The following KCNH1 variants were observed in gnomAD, a reference collection of about 807,000 sequenced individuals.
KCNH1 encodes voltage-gated delayed rectifier potassium channel KCNH1.
Under a neutral mutation model 69.2 loss-of-function variants are expected in KCNH1, and 27 were observed. That is an observed-to-expected ratio of 0.39 (90% confidence interval 0.29 to 0.54). The LOEUF (loss-of-function observed/expected upper bound fraction) is 0.54. Ranked by LOEUF, KCNH1 falls within the 20% of genes least tolerant of loss-of-function variation. The pLI, the probability that KCNH1 is intolerant of heterozygous loss-of-function variation, is 0.68. For synonymous variants in KCNH1, 456 were observed against 487.7 expected, an observed-to-expected ratio of 0.93 and a Z score of 0.86; for missense variants, 798 against 1,261.6, an observed-to-expected ratio of 0.63 and a Z score of 5.57.
In KCNH1 at chr1:210,965,659, G is replaced by A. The variant is rs147704892; in HGVS notation, c.1033-45590C>T. Among the ~76,000 whole-genome samples the A allele has an allele frequency of 9.9e-3, 1,514 of 152,172 alleles. 47 individuals carry two copies. The highest frequency in any genetic ancestry group is 0.055 in the East Asian group (285 of 5,170). Reference sequence around the variant, plus strand: ...TGCTACAAAGAGAGTGAAATACCTAGCAATACAACTTACAAGGGATGTGAA... The same window carrying A: ...TGCTACAAAGAGAGTGAAATACCTAACAATACAACTTACAAGGGATGTGAA... On this transcript the variant is annotated intron_variant, in intron 6 of 10. Transcript: ENST00000271751.
intron 7 of KCNH1, among the ~76,000 whole-genome samples, chr1:210,874,120 TC>T (rs1686313688): frequency 6.6e-6 from 1 of 151,200 alleles, no homozygotes; most frequent in African/African-American, 2.4e-5. Context: ...TTAAAAGGAG[TC>T]AAAGAAAAAA....
chr1:210,958,337 T>TA (rs1433413545), intron 6 of KCNH1, among the ~76,000 whole-genome samples: 2 of 152,202 alleles, frequency 1.3e-5, no homozygotes, highest in African/African-American at 4.8e-5. Context: ...TGATTGCCCT[T>TA]AACATTTTTT....
chr1:210,974,871 CTACTT>C (rs1173359776), intron 6 of KCNH1, among the ~76,000 whole-genome samples: 1 of 152,028 alleles, frequency 6.6e-6, no homozygotes, highest in Non-Finnish European at 1.5e-5. Context: ...CCTTCCTCCT[CTACTT>C]TAAGAGTTTG....
At chr1:210,883,537 T>C (rs576941618) in intron 7 of KCNH1, among the ~76,000 whole-genome samples, 1 of 152,242 alleles carries the variant, frequency 6.6e-6, no homozygotes, top group Admixed American at 6.5e-5. Flanking sequence ...CCAGAGACTA[T>C]GTTTAAATAT....
At chr1:211,043,677 T>G (rs138335111) in intron 5 of KCNH1, among the ~76,000 whole-genome samples, 2 of 152,258 alleles carry the variant, frequency 1.3e-5, no homozygotes, top group African/African-American at 4.8e-5. Flanking sequence ...TGAACATATA[T>G]GCAAAACTCC....
chr1:210,905,839 T>C (rs1010304966), intron 7 of KCNH1, among the ~76,000 whole-genome samples: 3 of 152,174 alleles, frequency 2.0e-5, no homozygotes, highest in Non-Finnish European at 2.9e-5. Flanking sequence ...TCTTCAACTG[T>C]GTTACTATGA....
intron 5 of KCNH1, among the ~76,000 whole-genome samples, chr1:211,020,594 C>T (rs1689571224): frequency 6.6e-6 from 1 of 152,082 alleles, no homozygotes; most frequent in Non-Finnish European, 1.5e-5. Context: ...TATTCTCAAA[C>T]TATTTTTAAA....
At chr1:210,992,116 A>G (rs541145643) in intron 6 of KCNH1, among the ~76,000 whole-genome samples, 7 of 152,246 alleles carry the variant, frequency 4.6e-5, no homozygotes, top group Admixed American at 2.6e-4. Context: ...TGGGCACTGC[A>G]GTAATCTACA....
intron 7 of KCNH1, chr1:210,861,045 T>C (rs1268944788): frequency 5.8e-6 from 6 of 1,036,632 alleles, no homozygotes; most frequent in Admixed American, 1.7e-5. Context: ...CAAAATCCCA[T>C]AGTCTTTTGA....
At chr1:211,084,788 T>C (rs1307341431) in intron 4 of KCNH1, among the ~76,000 whole-genome samples, 3 of 152,200 alleles carry the variant, frequency 2.0e-5, no homozygotes, top group Admixed American at 6.5e-5. Flanking sequence ...ATAATGGCAA[T>C]CATGCCTCGC....
At chr1:211,081,013 C>T (rs1039301058) in intron 5 of KCNH1, among the ~76,000 whole-genome samples, 2 of 152,082 alleles carry the variant, frequency 1.3e-5, no homozygotes, top group East Asian at 1.9e-4. Context: ...AAGAAACTAC[C>T]ATCAGAGTGA....
chr1:210,948,443 T>C (rs1574355067), intron 6 of KCNH1, among the ~76,000 whole-genome samples: 1 of 152,186 alleles, frequency 6.6e-6, no homozygotes, highest in Admixed American at 6.5e-5. Context: ...AAACATTTTC[T>C]GTAGAGGGCC....
intron 10 of KCNH1, among the ~76,000 whole-genome samples, chr1:210,687,344 G>T (rs1229098204): frequency 2.0e-5 from 3 of 152,236 alleles, no homozygotes; most frequent in Non-Finnish European, 4.4e-5. Context: ...GTATTCAGGT[G>T]TTCTGACTGA....
At chr1:210,950,150 G>T (rs1688036383) in intron 6 of KCNH1, among the ~76,000 whole-genome samples, 1 of 151,570 alleles carries the variant, frequency 6.6e-6, no homozygotes, top group African/African-American at 2.4e-5. Context: ...GCCACCTAGT[G>T]CCCAGGCAGG....
intron 6 of KCNH1, among the ~76,000 whole-genome samples, chr1:210,957,481 A>T (rs185671324): frequency 2.1e-4 from 32 of 152,006 alleles, no homozygotes; most frequent in African/African-American, 6.0e-4. Flanking sequence ...TTAACCTTCT[A>T]TCTCCTTGAT....
intron 6 of KCNH1, among the ~76,000 whole-genome samples, chr1:210,922,131 C>T (rs544017397): frequency 3.1e-4 from 47 of 151,988 alleles, no homozygotes; most frequent in African/African-American, 9.9e-4. Flanking sequence ...CCTGTAATCC[C>T]AGCACTTTGG....
chr1:210,693,241 C>G (rs12410100), intron 10 of KCNH1, among the ~76,000 whole-genome samples: 5 of 152,200 alleles, frequency 3.3e-5, no homozygotes, highest in African/African-American at 1.2e-4. Flanking sequence ...GAGAAGCCCC[C>G]CTCCCTTCAC....
At chr1:210,856,831 A>T (rs375593536) in intron 7 of KCNH1, among the ~76,000 whole-genome samples, 3 of 105,342 alleles carry the variant, frequency 2.8e-5, no homozygotes, top group Non-Finnish European at 5.8e-5. Context: ...TTTTATATAT[A>T]ATATATATAA....
intron 5 of KCNH1, among the ~76,000 whole-genome samples, chr1:211,063,173 T>G (rs1401766895): frequency 1.3e-5 from 2 of 152,092 alleles, no homozygotes; most frequent in African/African-American, 4.8e-5. Context: ...TGGATGGAAG[T>G]GGAGTCTATT....
Sources: gnomAD v4.1 joint callset for allele counts (sites outside exome capture counted in the v4.1 genomes callset) on GRCh38, gnomAD v4.1.1 for gene constraint, MANE v1.5 for transcripts, NCBI Gene and HGNC (gene_info 2026-07-23, HGNC 2026-07-21) for gene names.